The following PTPRG variants were observed in gnomAD, a reference collection of about 807,000 sequenced individuals.
The protein encoded by PTPRG is receptor-type tyrosine-protein phosphatase gamma.
In PTPRG, 102 loss-of-function variants were observed where a neutral mutation model predicts 165.3. The observed-to-expected ratio is 0.62, with a 90% confidence interval of 0.53 to 0.73. The LOEUF (loss-of-function observed/expected upper bound fraction) is 0.73, where lower values mean the gene tolerates loss of function less well. PTPRG is among the 30% of genes least tolerant of loss of function. PTPRG has a pLI of 0.00. For synonymous variants in PTPRG, 675 were observed against 669.5 expected, an observed-to-expected ratio of 1.01 and a Z score of -0.13; for missense variants, 1,866 against 1,861.4, an observed-to-expected ratio of 1.00 and a Z score of -0.05.
At chr3:61,603,722 T>A (rs1417562756) in intron 1 of PTPRG, among the ~76,000 whole-genome samples, 1 of 152,194 alleles carries the variant, frequency 6.6e-6, no homozygotes, top group Non-Finnish European at 1.5e-5. Flanking sequence ...CTTGCCACTT[T>A]GTAGCTTCTG....
intron 4 of PTPRG, among the ~76,000 whole-genome samples, chr3:62,061,881 C>T (rs1485828224): frequency 2.6e-5 from 4 of 151,792 alleles, no homozygotes; most frequent in African/African-American, 4.8e-5. Flanking sequence ...CTGCCTACTT[C>T]GGCCTCCCAA....
At chr3:62,202,858 A>G (rs150792801) in intron 11 of PTPRG, among the ~76,000 whole-genome samples, 1 of 152,354 alleles carries the variant, frequency 6.6e-6, no homozygotes, top group African/African-American at 2.4e-5. Flanking sequence ...TTTGTTGTGT[A>G]AGTCAGCTTT....
rs1371840623 is a variant in PTPRG, at chr3:62,269,032, C to T, written c.2875-3C>T. 1 of 1,536,270 alleles carries T rather than the reference C, an allele frequency of 6.5e-7. No individual in the cohort carries two copies. Reference sequence around the variant, plus strand: ...ATACTTTACAACTTTTTTCTTTCTGCAGCGAAAATGTGATCAGTATTGGCC... The same window carrying T: ...ATACTTTACAACTTTTTTCTTTCTGTAGCGAAAATGTGATCAGTATTGGCC... On this transcript the variant is annotated splice_region_variant and splice_polypyrimidine_tract_variant and intron_variant, in intron 19 of 29. Transcript: ENST00000474889.
chr3:61,993,211 T>G (rs2040939479), intron 3 of PTPRG, among the ~76,000 whole-genome samples: 1 of 151,774 alleles, frequency 6.6e-6, no homozygotes, highest in Non-Finnish European at 1.5e-5. Context: ...TTGTTGTTTG[T>G]TTGGTTTATT....
chr3:62,057,858 G>A (rs1050811286), intron 4 of PTPRG, among the ~76,000 whole-genome samples: 1 of 152,132 alleles, frequency 6.6e-6, no homozygotes, highest in Admixed American at 6.6e-5. Context: ...CCCAGACTGG[G>A]AACAAAAACA....
rs1036955637 is a variant in PTPRG at position 62,078,330 on chromosome 3, T to C, written c.615+72T>C. ...TTTTTTAATTTGCCGAATTGTTCCATGTTTAATGAATGCATCTGTTTTCTA... is the reference window on the plus strand; with the variant it reads ...TTTTTTAATTTGCCGAATTGTTCCACGTTTAATGAATGCATCTGTTTTCTA... On this transcript the variant is annotated intron_variant, in intron 5 of 29. Transcript: ENST00000474889. 1.1e-5 allele frequency: 12 copies of C among 1,054,388 alleles called. No individual in the cohort carries two copies. The South Asian group carries it at 1.3e-4, about 12-fold the overall frequency. The allele number at this position is 1,054,388 out of a possible 1,614,324, so 65.3% of individuals were successfully genotyped here. A position where few individuals can be genotyped will look rare whatever the true frequency, so the allele number is the denominator to read the frequency against.
intron 10 of PTPRG, among the ~76,000 whole-genome samples, chr3:62,199,675 G>A (rs544911540): frequency 1.3e-5 from 2 of 152,278 alleles, no homozygotes; most frequent in South Asian, 2.1e-4. Flanking sequence ...GTCATAGCAG[G>A]TACAAGTGTT....
chr3:61,807,093 A>G (rs2035441199), intron 2 of PTPRG, among the ~76,000 whole-genome samples: 1 of 152,230 alleles, frequency 6.6e-6, no homozygotes, highest in Admixed American at 6.5e-5. Flanking sequence ...GAAAAAGGGA[A>G]AGAGAAGCCA....
At chr3:61,925,783 C>T (rs2039194584) in intron 2 of PTPRG, 1 of 411,682 alleles carries the variant, frequency 2.4e-6, no homozygotes, top group Non-Finnish European at 4.9e-6. Flanking sequence ...GTTGCAGCAC[C>T]TGCCAACCTA....
At chr3:62,279,559 T>G (rs2148885417) in intron 26 of PTPRG, among the ~76,000 whole-genome samples, 1 of 152,226 alleles carries the variant, frequency 6.6e-6, no homozygotes, top group East Asian at 1.9e-4. Context: ...TCTGTGCATA[T>G]TTGTTACATT....
chr3:62,179,772 AG>A (rs2106771010), intron 8 of PTPRG, among the ~76,000 whole-genome samples: 1 of 152,310 alleles, frequency 6.6e-6, no homozygotes, highest in East Asian at 1.9e-4. Flanking sequence ...TCTTGACCTG[AG>A]GGCAGTACCA....
At chr3:62,145,978 C>A (rs1280984529) in intron 6 of PTPRG, among the ~76,000 whole-genome samples, 1 of 152,154 alleles carries the variant, frequency 6.6e-6, no homozygotes, top group Middle Eastern at 3.2e-3. Context: ...TCTTGGTTTT[C>A]CTTTGTGAAT....
At chr3:61,650,016 A>C (rs567254110) in intron 1 of PTPRG, among the ~76,000 whole-genome samples, 5 of 152,294 alleles carry the variant, frequency 3.3e-5, no homozygotes, top group African/African-American at 1.2e-4. Flanking sequence ...TAAACCTAAT[A>C]AGGGGAGTCT....
At chr3:61,868,245 C>T (rs753077332) in intron 2 of PTPRG, among the ~76,000 whole-genome samples, 6 of 152,146 alleles carry the variant, frequency 3.9e-5, no homozygotes, top group Admixed American at 6.5e-5. Flanking sequence ...TCTTATATCA[C>T]GGAAGAAAAG....
At position 62,195,552 on chromosome 3, in the gene PTPRG, T is replaced by C. The variant is rs2106818844; in HGVS notation, c.1327+382T>C. Among the ~76,000 whole-genome samples the C allele has an allele frequency of 6.6e-6, 1 of 152,244 alleles. No homozygotes were observed. Among genetic ancestry groups the C allele is most frequent in the Non-Finnish European group, 1.5e-5 (1 of 68,014 alleles). On this transcript the variant is annotated intron_variant, in intron 10 of 29. Coordinates refer to ENST00000474889, the MANE Select transcript of PTPRG (RefSeq NM_002841.4). This position sits in a 1 kb window ranked among gnomAD's most constrained non-coding sequence, Gnocchi z 4.4. ...TTCAGTTAGCTGTTCTCTCAAAAAC[T>C]GCAGCCCATAGCAGCTACACCTCAC...
At chr3:61,875,513 C>T (rs1485802308) in intron 2 of PTPRG, among the ~76,000 whole-genome samples, 2 of 152,066 alleles carry the variant, frequency 1.3e-5, no homozygotes, top group Non-Finnish European at 2.9e-5. Context: ...TGAAGAGTAC[C>T]TAGCGGCTTG....
At chr3:62,019,864 C>T (rs1575896748) in intron 4 of PTPRG, among the ~76,000 whole-genome samples, 1 of 152,148 alleles carries the variant, frequency 6.6e-6, no homozygotes, top group East Asian at 1.9e-4. Flanking sequence ...ACTTAGAGTA[C>T]TTAACATGCA....
intron 4 of PTPRG, among the ~76,000 whole-genome samples, chr3:62,045,973 G>C (rs1279788544): frequency 6.6e-6 from 1 of 152,218 alleles, no homozygotes; most frequent in Non-Finnish European, 1.5e-5. Flanking sequence ...TCATGATCTA[G>C]ATTCATCTAT....
At chr3:62,077,723 G>A (rs1284679258) in intron 4 of PTPRG, among the ~76,000 whole-genome samples, 2 of 152,142 alleles carry the variant, frequency 1.3e-5, no homozygotes, top group Admixed American at 6.5e-5. Context: ...TTAGCAAAGG[G>A]CCGGGTGTGG....
Sources: allele counts gnomAD v4.1 joint callset (sites outside exome capture counted in the v4.1 genomes callset), GRCh38; gene constraint gnomAD v4.1.1; non-coding constraint Gnocchi (gnomAD v3.1); transcripts MANE v1.5; gene names NCBI Gene and HGNC (gene_info 2026-07-23, HGNC 2026-07-21).